Variants in CYTIP observed in about 807,000 individuals in gnomAD.
The protein encoded by CYTIP is cytohesin 1 interacting protein.
Under a neutral mutation model 43.8 loss-of-function variants are expected in CYTIP, and 26 were observed. That is an observed-to-expected ratio of 0.59 (90% CI 0.44 to 0.82). The LOEUF (loss-of-function observed/expected upper bound fraction) is 0.82, where lower values mean the gene tolerates loss of function less well. Among genes scored for constraint, CYTIP ranks in the 40% least tolerant of loss-of-function variants. CYTIP has a pLI of 0.00. For missense variants in CYTIP, 426 were observed against 443.1 expected (o/e 0.96, Z 0.35); for synonymous variants, 162 against 162.9 (o/e 0.99, Z 0.04).
At chr2:157,423,405 CA>C (rs1337733593) in intron 6 of CYTIP, among the ~76,000 whole-genome samples, 1 of 151,652 alleles carries the variant, frequency 6.6e-6, no homozygotes, top group Non-Finnish European at 1.5e-5. Flanking sequence ...ATTTTACTGT[CA>C]ACTCAGTTAA....
intron 7 of CYTIP, among the ~76,000 whole-genome samples, chr2:157,416,743 C>T (rs1003678341): frequency 3.3e-5 from 5 of 152,132 alleles, no homozygotes; most frequent in Admixed American, 1.3e-4. Flanking sequence ...TTCCCAGTTT[C>T]GTTTTGGAAT....
Position 157,415,749 on chromosome 2 carries a change from A to G in CYTIP, c.1008T>C (p.Ser336=). ...TAAATTTCAAGAGTTGCTTTCGGACACTTCCCTTTCTGCTCTTCCGGGGCA... is the reference window on the plus strand; with the variant it reads ...TAAATTTCAAGAGTTGCTTTCGGACGCTTCCCTTTCTGCTCTTCCGGGGCA... ...GTLPRKSRKG[S]VRKQLLKFIP... The change falls in exon 8 of 8, where the codon AGT becomes AGC. Residue 336 remains serine, a synonymous_variant. Coordinates refer to ENST00000264192, the MANE Select transcript of CYTIP (RefSeq NM_004288.5). 1 of 1,614,172 alleles carries G rather than the reference A, an allele frequency of 6.2e-7. No homozygotes were observed. Among genetic ancestry groups the G allele is most frequent in the Non-Finnish European group, 8.5e-7 (1 of 1,180,008 alleles).
At chr2:157,434,843 TCTCTCTCACA>T (rs1225604354) in intron 1 of CYTIP, 96 bp from the exon 2 acceptor site, 86 of 376,984 alleles carry the variant, frequency 2.3e-4, no homozygotes, top group African/African-American at 9.6e-4. Context: ...TCTCTCTCTC[TCTCTCTCACA>T]CACACACACA....
chr2:157,443,952 C>A lies in CYTIP; in HGVS notation c.69G>T (p.Ala23=), dbSNP rs376714958. 1 of 1,614,154 alleles carries A rather than the reference C, an allele frequency of 6.2e-7. No homozygotes were observed. Among genetic ancestry groups the A allele is most frequent in the Admixed American group, 1.7e-5 (1 of 60,008 alleles). ...GNLADFCAGP[A]YSSYSTLTGS... is the part of the protein sequence containing the mutation. ...CGGTGAGTGTGGAGTAAGAGCTATA[C>A]GCTGGCCCAGCGCAGAAGTCCGCCA... is the stretch of plus-strand genomic sequence containing the variant. The change falls in exon 1 of 8, where the codon GCG becomes GCT. Residue 23 remains alanine, a synonymous_variant. Transcript: ENST00000264192.
chr2:157,427,617 T>C lies in CYTIP; in HGVS notation c.477-197A>G, dbSNP rs147456173. Among the ~76,000 whole-genome samples the C allele has an allele frequency of 3.2e-3, 489 of 152,234 alleles. 1 individual carries two copies. The highest frequency in any genetic ancestry group is 7.1e-3 in the African/African-American group (293 of 41,540). ...ATCTTCTGATAACAGAGAAAGAAAA[T>C]GGGGGAAAACTCCCCTTGAGAAGGT... On this transcript the variant is annotated intron_variant, in intron 5 of 7. Transcript: ENST00000264192.
chr2:157,426,471 G>A (rs931630962), intron 6 of CYTIP, among the ~76,000 whole-genome samples: 2 of 152,122 alleles, frequency 1.3e-5, no homozygotes, highest in African/African-American at 2.4e-5. Context: ...GGATGTGGAG[G>A]AAGAAAAAGA....
chr2:157,427,234 A>G, intron 6 of CYTIP, 117 bp downstream of exon 6: 1 of 794,690 alleles, frequency 1.3e-6, no homozygotes, highest in South Asian at 1.8e-5. Flanking sequence ...TCAGCAGTTT[A>G]GATTCACCAC....
rs552572834 is a variant in CYTIP at position 157,433,957 on chromosome 2, T to C, written c.279+413A>G. Among the ~76,000 whole-genome samples the C allele has an allele frequency of 3.9e-5, 6 of 152,284 alleles. No individual in the cohort carries two copies. The South Asian group carries it at 6.2e-4, about 16-fold the overall frequency. ...ATACACAGATGTATAGTCTTTCGAG[T>C]GTCTCTTGAATGCCAAAGTAAATAC... On this transcript the variant is annotated intron_variant, in intron 3 of 7. Coordinates refer to ENST00000264192, the MANE Select transcript of CYTIP (RefSeq NM_004288.5).
intron 5 of CYTIP, 22 bp downstream of exon 5, chr2:157,430,537 C>T (rs112966992): frequency 1.6e-5 from 26 of 1,602,382 alleles, no homozygotes; most frequent in Admixed American, 1.2e-4. Flanking sequence ...TGAAGCCCCA[C>T]GGGAACTAGA....
At chr2:157,418,802 C>T (rs1685478966) in intron 6 of CYTIP, among the ~76,000 whole-genome samples, 2 of 151,940 alleles carry the variant, frequency 1.3e-5, no homozygotes, top group African/African-American at 4.8e-5. Context: ...GTAGTACCAA[C>T]AAGCTTTCTT....
intron 6 of CYTIP, among the ~76,000 whole-genome samples, chr2:157,423,956 A>G (rs1685562561): frequency 6.6e-6 from 1 of 152,178 alleles, no homozygotes. Flanking sequence ...CAAGCACTAT[A>G]AACACTACCA....
chr2:157,428,334 G>C (rs1685646246), intron 5 of CYTIP, among the ~76,000 whole-genome samples: 2 of 152,196 alleles, frequency 1.3e-5, no homozygotes, highest in Non-Finnish European at 2.9e-5. Flanking sequence ...CATGGTAAAA[G>C]CATTAAATGT....
chr2:157,430,035 A>AG (rs1685685281), intron 5 of CYTIP, among the ~76,000 whole-genome samples: 1 of 151,826 alleles, frequency 6.6e-6, no homozygotes, highest in South Asian at 2.1e-4. Context: ...AAAAAAAAAA[A>AG]AAAAAAAGAA....
chr2:157,427,170 C>A (rs1225977247), intron 6 of CYTIP, among the ~76,000 whole-genome samples, 181 bp downstream of exon 6: 2 of 152,172 alleles, frequency 1.3e-5, no homozygotes, highest in Non-Finnish European at 2.9e-5. Flanking sequence ...GTGATTTACA[C>A]TGGTTTGCAG....
At chr2:157,418,214 CT>C (rs1282356744) in intron 7 of CYTIP, among the ~76,000 whole-genome samples, 49 of 152,284 alleles carry the variant, frequency 3.2e-4, no homozygotes, top group African/African-American at 1.1e-3. Flanking sequence ...AATTCATTCA[CT>C]GAAGTAGAAG....
At chr2:157,423,148 T>G (rs1558937802) in intron 6 of CYTIP, among the ~76,000 whole-genome samples, 2 of 152,052 alleles carry the variant, frequency 1.3e-5, no homozygotes, top group Non-Finnish European at 2.9e-5. Flanking sequence ...AATTTAGAAA[T>G]GAATCCAGAA....
chr2:157,435,548 CTG>C (rs1324085708), intron 1 of CYTIP, among the ~76,000 whole-genome samples: 2 of 152,160 alleles, frequency 1.3e-5, no homozygotes, highest in Admixed American at 6.5e-5. Flanking sequence ...CATTCTACCA[CTG>C]TAAACAGAAG....
chr2:157,415,634 G>A lies in CYTIP; in HGVS notation c.*43C>T, dbSNP rs1467085387. 2 of 1,384,896 alleles carry A rather than the reference G, an allele frequency of 1.4e-6. No homozygotes were observed. The highest frequency in any genetic ancestry group is 3.7e-5 in the Admixed American group (2 of 53,418). The allele number at this position is 1,384,896 out of a possible 1,614,324, so 85.8% of individuals were successfully genotyped here. A position where few individuals can be genotyped will look rare whatever the true frequency, so the allele number is the denominator to read the frequency against. On this transcript the variant is annotated 3_prime_UTR_variant, in exon 8 of 8. Transcript: ENST00000264192. ...AAGCTGGGATCTGGGTGAGTCTAGA[G>A]ATATTTGTGAAATAAGCTAATTTGA...
Position 157,430,555 on chromosome 2 carries a change from T to C in CYTIP, c.476+4A>G. ...AGCCCCACGGGAACTAGACAGATAG[T>C]TACGTTAGCAGGTTTCCGGACGATC... On this transcript the variant is annotated splice_donor_region_variant and intron_variant, in intron 5 of 7. Coordinates refer to ENST00000264192, the MANE Select transcript of CYTIP (RefSeq NM_004288.5). 6.2e-7 allele frequency: 1 copy of C among 1,613,378 alleles called. No individual in the cohort carries two copies. The highest frequency in any genetic ancestry group is 8.5e-7 in the Non-Finnish European group (1 of 1,179,276).
Sources: gnomAD v4.1 joint callset for allele counts (sites outside exome capture counted in the v4.1 genomes callset) on GRCh38, gnomAD v4.1.1 for gene constraint, MANE v1.5 for transcripts, NCBI Gene and HGNC (gene_info 2026-07-23, HGNC 2026-07-21) for gene names.